SLC9A9: variants seen among roughly 807,000 people sequenced by gnomAD.
The protein encoded by SLC9A9 is solute carrier family 9 member A9.
Under a neutral mutation model 77.8 loss-of-function variants are expected in SLC9A9, and 62 were observed. The observed-to-expected ratio is 0.80, with a 90% confidence interval of 0.65 to 0.98. The LOEUF is 0.98. SLC9A9 is among the 50% of genes least tolerant of loss of function. The probability of loss-of-function intolerance (pLI) is 0.00; values close to 1 mark genes in which losing one functional copy is unlikely to be tolerated. For missense variants in SLC9A9, 775 were observed against 774.9 expected (o/e 1.00, Z 0.00); for synonymous variants, 320 against 283.5 (o/e 1.13, Z -1.29).
chr3:143,818,821 C>A (rs1002422286), intron 2 of SLC9A9, among the ~76,000 whole-genome samples: 1 of 152,022 alleles, frequency 6.6e-6, no homozygotes, highest in Non-Finnish European at 1.5e-5. Context: ...GTGGCTCATG[C>A]CTGTAATCCC....
intron 12 of SLC9A9, among the ~76,000 whole-genome samples, chr3:143,408,068 A>T (rs938526940): frequency 6.6e-6 from 1 of 152,156 alleles, no homozygotes; most frequent in African/African-American, 2.4e-5. Flanking sequence ...CTTTGAACAC[A>T]CATGCTGAGA....
At chr3:143,844,040 C>T (rs2108900031) in intron 1 of SLC9A9, among the ~76,000 whole-genome samples, 1 of 152,160 alleles carries the variant, frequency 6.6e-6, no homozygotes, top group Admixed American at 6.5e-5. Context: ...TTATAAGCTT[C>T]CTATGACCCT....
At chr3:143,736,472 C>A (rs965770091) in intron 4 of SLC9A9, among the ~76,000 whole-genome samples, 3 of 152,082 alleles carry the variant, frequency 2.0e-5, no homozygotes, top group Non-Finnish European at 4.4e-5. Flanking sequence ...AAAATCCTGA[C>A]CTCCTAGAAT....
intron 5 of SLC9A9, among the ~76,000 whole-genome samples, chr3:143,668,247 C>T (rs531023237): frequency 1.3e-5 from 2 of 148,778 alleles, no homozygotes; most frequent in African/African-American, 5.0e-5. Flanking sequence ...AACCAAACAC[C>T]GCATGCTCTC....
chr3:143,664,125 G>T (rs1360187199), intron 5 of SLC9A9, among the ~76,000 whole-genome samples: 3 of 152,120 alleles, frequency 2.0e-5, no homozygotes, highest in African/African-American at 7.2e-5. Flanking sequence ...GACTAACAGC[G>T]GATCTCTCTG....
intron 4 of SLC9A9, among the ~76,000 whole-genome samples, chr3:143,786,245 C>A (rs1327088819): frequency 1.3e-5 from 2 of 152,224 alleles, no homozygotes; most frequent in Non-Finnish European, 2.9e-5. Context: ...AATTCTCCTT[C>A]AGAATAGAGT....
At chr3:143,586,164 G>A (rs535694519) in intron 6 of SLC9A9, among the ~76,000 whole-genome samples, 160 of 152,348 alleles carry the variant, frequency 1.1e-3, no homozygotes, top group Non-Finnish European at 1.8e-3. Context: ...GGGTGGGGGC[G>A]GGGGAAATGA....
intron 2 of SLC9A9, among the ~76,000 whole-genome samples, chr3:143,815,084 A>C (rs2008969800): frequency 1.3e-5 from 2 of 152,174 alleles, no homozygotes; most frequent in African/African-American, 4.8e-5. Context: ...ATCAGGAAAC[A>C]GAGTGGTAAG....
intron 12 of SLC9A9, among the ~76,000 whole-genome samples, chr3:143,386,798 G>A (rs1160425974): frequency 6.6e-6 from 1 of 152,006 alleles, no homozygotes. Flanking sequence ...CATTATTTCT[G>A]TTTAAAGAGG....
intron 14 of SLC9A9, among the ~76,000 whole-genome samples, chr3:143,277,932 C>G (rs2108403385): frequency 6.6e-6 from 1 of 152,258 alleles, no homozygotes. Flanking sequence ...GGATGTAGTC[C>G]TATAAGCACT....
intron 6 of SLC9A9, among the ~76,000 whole-genome samples, chr3:143,616,974 A>G (rs2038116531): frequency 6.6e-6 from 1 of 152,158 alleles, no homozygotes. Flanking sequence ...GAGAAAGCAC[A>G]GTGTGATAAG....
At chr3:143,802,464 C>T (rs959432134) in intron 2 of SLC9A9, among the ~76,000 whole-genome samples, 12 of 152,244 alleles carry the variant, frequency 7.9e-5, no homozygotes, top group South Asian at 2.1e-4. Flanking sequence ...TCACATGCCC[C>T]GAGTCAGGAA....
chr3:143,499,054 C>T (rs543118676), intron 9 of SLC9A9, among the ~76,000 whole-genome samples: 1 of 152,128 alleles, frequency 6.6e-6, no homozygotes, highest in Non-Finnish European at 1.5e-5. Context: ...TTTCCCAAAG[C>T]GGTGGTATCA....
chr3:143,327,542 C>T lies in SLC9A9; in HGVS notation c.1604+35942G>A, dbSNP rs528489715. On this transcript the variant is annotated intron_variant, in intron 14 of 15. Transcript: ENST00000316549. ...CCATTTCTTATGCCCTGAGGCTTTT[C>T]CTGTTTCCTGTCATGTGAACTTAGA... Among the ~76,000 whole-genome samples, 207 of 152,260 alleles carry T rather than the reference C, an allele frequency of 1.4e-3. 1 individual carries two copies. The highest frequency in any genetic ancestry group is 2.7e-3 in the Admixed American group (41 of 15,298).
At chr3:143,706,915 G>T (rs1200883945) in intron 4 of SLC9A9, among the ~76,000 whole-genome samples, 1 of 152,120 alleles carries the variant, frequency 6.6e-6, no homozygotes, top group Non-Finnish European at 1.5e-5. Context: ...CCAAAAGATT[G>T]GATACCTCTG....
intron 12 of SLC9A9, among the ~76,000 whole-genome samples, chr3:143,406,240 T>A (rs2033976093): frequency 6.6e-6 from 1 of 152,226 alleles, no homozygotes; most frequent in African/African-American, 2.4e-5. Flanking sequence ...TTCCCATAAA[T>A]CTTTCAAAAC....
chr3:143,308,659 G>A (rs2030905307), intron 14 of SLC9A9, among the ~76,000 whole-genome samples: 1 of 152,102 alleles, frequency 6.6e-6, no homozygotes, highest in African/African-American at 2.4e-5. Flanking sequence ...GGGGTCTCTA[G>A]GTAACTGCTC....
At chr3:143,695,643 A>G (rs116287958) in intron 4 of SLC9A9, among the ~76,000 whole-genome samples, 6,762 of 152,210 alleles carry the variant, frequency 0.044, 199 homozygotes, top group East Asian at 0.11. Flanking sequence ...TGTAATAAAC[A>G]TATGTATGCA....
At chr3:143,471,867 A>C (rs1576520119) in intron 11 of SLC9A9, among the ~76,000 whole-genome samples, 2 of 152,194 alleles carry the variant, frequency 1.3e-5, no homozygotes, top group Non-Finnish European at 2.9e-5. Context: ...AGGGATTCTT[A>C]TGTTAATTAT....
Sources: allele counts gnomAD v4.1 joint callset (sites outside exome capture counted in the v4.1 genomes callset), GRCh38; gene constraint gnomAD v4.1.1; transcripts MANE v1.5; gene names NCBI Gene and HGNC (gene_info 2026-07-23, HGNC 2026-07-21).